The following MAN2A1 variants were observed in gnomAD, a reference collection of about 807,000 sequenced individuals.
The protein encoded by MAN2A1 is mannosidase alpha class 2A member 1.
Under a neutral mutation model 142.6 loss-of-function variants are expected in MAN2A1, and 76 were observed. The observed-to-expected ratio is 0.53, with a 90% CI of 0.44 to 0.65. The LOEUF is 0.65. Ranked by LOEUF, MAN2A1 falls within the 30% of genes least tolerant of loss-of-function variation. The probability of loss-of-function intolerance (pLI) is 0.00; values close to 1 mark genes in which losing one functional copy is unlikely to be tolerated. For synonymous variants in MAN2A1, 559 were observed against 473.2 expected (o/e 1.18, Z -2.35); for missense variants, 1,311 against 1,365.1 (o/e 0.96, Z 0.62).
At chr5:109,855,530 A>G (rs1755585703) in intron 20 of MAN2A1, among the ~76,000 whole-genome samples, 196 bp downstream of exon 20, 1 of 152,162 alleles carries the variant, frequency 6.6e-6, no homozygotes, top group African/African-American at 2.4e-5. Flanking sequence ...CCTGATACTA[A>G]TTTACTCTTA....
At chr5:109,737,216 C>T (rs1168319062) in intron 4 of MAN2A1, among the ~76,000 whole-genome samples, 1 of 151,362 alleles carries the variant, frequency 6.6e-6, no homozygotes, top group East Asian at 2.0e-4. Flanking sequence ...CTTCAGTCTC[C>T]TGAGTAGCTG....
chr5:109,803,867 A>G (rs1754094976), intron 12 of MAN2A1, among the ~76,000 whole-genome samples: 1 of 152,100 alleles, frequency 6.6e-6, no homozygotes, highest in Admixed American at 6.6e-5. Flanking sequence ...AAAGTAAACT[A>G]AATATCTGGA....
intron 1 of MAN2A1, among the ~76,000 whole-genome samples, chr5:109,693,738 A>G (rs983991240): frequency 1.3e-5 from 2 of 152,014 alleles, no homozygotes; most frequent in African/African-American, 4.8e-5. Flanking sequence ...TATTCTTTGG[A>G]AGTCTATCCT....
In MAN2A1 at chr5:109,715,554, A is replaced by AT. The variant is rs201052472; in HGVS notation, c.391-561dup. 2.5e-3 allele frequency among the ~76,000 whole-genome samples: 378 copies of AT among 152,180 alleles called. 2 individuals carry two copies. The highest frequency in any genetic ancestry group is 0.017 in the South Asian group (82 of 4,820). On this transcript the variant is annotated intron_variant, in intron 2 of 21. Transcript: ENST00000261483. The stretch of plus-strand genomic sequence containing the variant: ...AATCTCAATTTTAAAATTTTTCTCA[A>AT]TTTTTAGATGATTATGCCTGGTTGA...
chr5:109,717,659 A>C (rs1751492764), intron 3 of MAN2A1, among the ~76,000 whole-genome samples: 1 of 152,144 alleles, frequency 6.6e-6, no homozygotes, highest in African/African-American at 2.4e-5. Context: ...AAGGCTGGGC[A>C]TCATGGAAGG....
Position 109,774,814 on chromosome 5 carries a change from G to T in MAN2A1, c.1223G>T (p.Arg408Leu). 1 of 1,611,554 alleles carries T rather than the reference G, an allele frequency of 6.2e-7. No individual in the cohort carries two copies. The highest frequency in any genetic ancestry group is 1.1e-5 in the South Asian group (1 of 90,904). The change falls in exon 8 of 22, where the codon CGA (arginine) becomes CTA (leucine). Residue 408 changes from arginine (R) to leucine (L), a missense_variant. Arg to Leu is a moderately radical substitution (Grantham distance 102). Transcript: ENST00000261483. ...SRARMLLDQYRKKSKLFRTKV... is the reference protein window; with the variant it reads ...SRARMLLDQYLKKSKLFRTKV... ...GCTCGGATGCTACTAGATCAGTACC[G>T]AAAGAAGTCAAAGCTTTTTCGTACC...
At chr5:109,847,262 G>A (rs1755366603) in intron 18 of MAN2A1, among the ~76,000 whole-genome samples, 1 of 152,102 alleles carries the variant, frequency 6.6e-6, no homozygotes, top group South Asian at 2.1e-4. Flanking sequence ...GAAATGTGAT[G>A]TACATTTCCT....
At chr5:109,820,855 T>G (rs1754603971) in intron 15 of MAN2A1, among the ~76,000 whole-genome samples, 1 of 152,170 alleles carries the variant, frequency 6.6e-6, no homozygotes, top group Non-Finnish European at 1.5e-5. Flanking sequence ...ATGAACAATG[T>G]TCAGTTAGGA....
intron 8 of MAN2A1, among the ~76,000 whole-genome samples, chr5:109,775,538 AT>A (rs530964000): frequency 1.4e-3 from 205 of 151,806 alleles, no homozygotes; most frequent in African/African-American, 4.7e-3. Context: ...AATAGCAAAA[AT>A]TGTTCCCCTT....
At chr5:109,769,334 C>T (rs1753077712) in intron 6 of MAN2A1, among the ~76,000 whole-genome samples, 1 of 152,152 alleles carries the variant, frequency 6.6e-6, no homozygotes, top group Non-Finnish European at 1.5e-5. Flanking sequence ...GAACATGTTG[C>T]TTTTTAAAAA....
Position 109,748,765 on chromosome 5 carries a change from A to G in MAN2A1, c.708-6564A>G, listed in dbSNP as rs1432029274. Among the ~76,000 whole-genome samples the G allele has an allele frequency of 3.9e-5, 6 of 151,974 alleles. No individual in the cohort carries two copies. In the South Asian group the frequency reaches 1.0e-3, roughly 26 times the overall value. Reference sequence around the variant, plus strand: ...AAGAAGGGCATGTGGCTGGATTGCAATGAGGAAGAAATGATGAGAGATGAC... The same window carrying G: ...AAGAAGGGCATGTGGCTGGATTGCAGTGAGGAAGAAATGATGAGAGATGAC... On this transcript the variant is annotated intron_variant, in intron 4 of 21. Coordinates refer to ENST00000261483, the MANE Select transcript of MAN2A1 (RefSeq NM_002372.4).
chr5:109,759,947 C>CTA lies in MAN2A1; in HGVS notation c.835+4508_835+4509dup, dbSNP rs141976116. 6.8e-4 allele frequency among the ~76,000 whole-genome samples: 71 copies of CTA among 104,244 alleles called. 1 individual carries two copies. Among genetic ancestry groups the CTA allele is most frequent in the South Asian group, 2.3e-3 (9 of 3,902 alleles). The allele number at this position is 104,244 out of a possible 152,430, so 68.4% of individuals were successfully genotyped here. On this transcript the variant is annotated intron_variant, in intron 5 of 21. Coordinates refer to ENST00000261483, the MANE Select transcript of MAN2A1 (RefSeq NM_002372.4). ...CCCATTCTTTTTATTTGAATTGTTGCTATATATATATATATATAGATAGAT... is the reference window on the plus strand; with the variant it reads ...CCCATTCTTTTTATTTGAATTGTTGCTATATATATATATATATATAGATAGAT...
chr5:109,833,017 C>T (rs1335557614), intron 16 of MAN2A1, among the ~76,000 whole-genome samples: 1 of 151,048 alleles, frequency 6.6e-6, no homozygotes, highest in Non-Finnish European at 1.5e-5. Context: ...CAGAGGCGCT[C>T]CTCACATCCC....
chr5:109,728,540 G>A (rs1582830261), intron 3 of MAN2A1, among the ~76,000 whole-genome samples: 1 of 138,470 alleles, frequency 7.2e-6, no homozygotes, highest in Non-Finnish European at 1.5e-5. Context: ...GCCTTGTGGT[G>A]CTATGTTTGC....
intron 5 of MAN2A1, among the ~76,000 whole-genome samples, chr5:109,758,833 C>T (rs1412076068): frequency 6.6e-6 from 1 of 151,608 alleles, no homozygotes; most frequent in East Asian, 1.9e-4. Context: ...TATTCCAATG[C>T]CACTTATTGG....
rs112441385 is a variant in MAN2A1 at position 109,711,637 on chromosome 5, T to C, written c.136-1883T>C. ...GGATCTGGAATCTACATGGTTCAAC[T>C]AGCTTCTCTATTTGAGCCCTGAACT... On this transcript the variant is annotated intron_variant, in intron 1 of 21. Transcript: ENST00000261483. Among the ~76,000 whole-genome samples, 173 of 152,326 alleles carry C rather than the reference T, an allele frequency of 1.1e-3. 1 individual carries two copies. Among genetic ancestry groups the C allele is most frequent in the Non-Finnish European group, 1.6e-3 (109 of 68,020 alleles).
intron 5 of MAN2A1, among the ~76,000 whole-genome samples, chr5:109,760,154 C>T (rs537118500): frequency 2.0e-4 from 30 of 152,050 alleles, no homozygotes; most frequent in Non-Finnish European, 2.5e-4. Context: ...CAGCCCCTGA[C>T]GCCCCTGTGT....
intron 3 of MAN2A1, among the ~76,000 whole-genome samples, chr5:109,716,941 C>T (rs1320236356): frequency 1.3e-5 from 2 of 152,210 alleles, no homozygotes; most frequent in South Asian, 4.1e-4. Context: ...TTCCTCCCTT[C>T]CCCCACCCCT....
intron 12 of MAN2A1, among the ~76,000 whole-genome samples, chr5:109,808,406 A>G (rs905639773): frequency 3.3e-5 from 5 of 152,102 alleles, no homozygotes; most frequent in Non-Finnish European, 5.9e-5. Flanking sequence ...AGAATTTTAT[A>G]TATTTTTATA....
Sources: gnomAD v4.1 joint callset for allele counts (sites outside exome capture counted in the v4.1 genomes callset) on GRCh38, gnomAD v4.1.1 for gene constraint, MANE v1.5 for transcripts, NCBI Gene and HGNC (gene_info 2026-07-23, HGNC 2026-07-21) for gene names.